The following PLEKHA5 variants were observed in gnomAD, a reference collection of about 807,000 sequenced individuals.
PLEKHA5 encodes the protein pleckstrin homology domain-containing family A member 5.
In PLEKHA5, 55 loss-of-function variants were observed where a neutral mutation model predicts 181.9. That is an observed-to-expected ratio of 0.30 (90% confidence interval 0.24 to 0.38). The LOEUF (loss-of-function observed/expected upper bound fraction) is 0.38, where lower values mean the gene tolerates loss of function less well. Ranked by LOEUF, PLEKHA5 falls within the 10% of genes least tolerant of loss-of-function variation. The pLI, the probability that PLEKHA5 is intolerant of heterozygous loss-of-function variation, is 1.00. For synonymous variants in PLEKHA5, 535 were observed against 529.4 expected (o/e 1.01, Z -0.15); for missense variants, 1,432 against 1,549.5 (o/e 0.92, Z 1.27).
At chr12:19,360,833 G>A (rs1458617856) in intron 28 of PLEKHA5, among the ~76,000 whole-genome samples, 1 of 151,686 alleles carries the variant, frequency 6.6e-6, no homozygotes, top group Non-Finnish European at 1.5e-5. Flanking sequence ...TTGGCTCACT[G>A]CAACCTCTGC....
chr12:19,217,494 A>G (rs1389487588), intron 3 of PLEKHA5, among the ~76,000 whole-genome samples: 4 of 152,214 alleles, frequency 2.6e-5, no homozygotes, highest in Admixed American at 6.5e-5. Context: ...TGTTGCTGTC[A>G]CTATGCCAAT....
chr12:19,319,048 C>A (rs1178483267), intron 16 of PLEKHA5, among the ~76,000 whole-genome samples: 1 of 152,028 alleles, frequency 6.6e-6, no homozygotes, highest in Non-Finnish European at 1.5e-5. Context: ...ATAGATCTAC[C>A]TATTTAAAAC....
At chr12:19,276,654 G>A (rs908648914) in intron 11 of PLEKHA5, among the ~76,000 whole-genome samples, 1 of 152,182 alleles carries the variant, frequency 6.6e-6, no homozygotes, top group African/African-American at 2.4e-5. Context: ...TCGTGCCACT[G>A]CACTCCAATC....
intron 16 of PLEKHA5, among the ~76,000 whole-genome samples, chr12:19,316,300 GT>G (rs886327229): frequency 3.3e-5 from 5 of 151,040 alleles, no homozygotes; most frequent in East Asian, 1.9e-4. Flanking sequence ...GTTTGGTTGG[GT>G]TTTTTTTTAT....
intron 3 of PLEKHA5, among the ~76,000 whole-genome samples, chr12:19,177,863 A>G (rs1319529056): frequency 6.6e-6 from 1 of 152,210 alleles, no homozygotes; most frequent in Non-Finnish European, 1.5e-5. Flanking sequence ...AGTGGTAGGA[A>G]TATTTTCTGC....
chr12:19,149,759 G>A (rs2039930320), intron 3 of PLEKHA5: 1 of 152,142 alleles, frequency 6.6e-6, no homozygotes, highest in African/African-American at 2.4e-5. Context: ...GGCTTCATCT[G>A]CTAGGCCCAG....
At chr12:19,344,318 A>G (rs938844854) in intron 22 of PLEKHA5, among the ~76,000 whole-genome samples, 1 of 152,222 alleles carries the variant, frequency 6.6e-6, no homozygotes, top group Non-Finnish European at 1.5e-5. Flanking sequence ...TCTTGTGTGT[A>G]TAATTATAAA....
chr12:19,306,602 A>G (rs1314126965), intron 15 of PLEKHA5: 7 of 865,828 alleles, frequency 8.1e-6, no homozygotes, highest in Admixed American at 5.4e-5. Context: ...CGGCGGGCCC[A>G]GTAGCGGAGG....
At chr12:19,200,428 A>G (rs1386646369) in intron 3 of PLEKHA5, 2 of 1,492,300 alleles carry the variant, frequency 1.3e-6, no homozygotes, top group Non-Finnish European at 1.8e-6. Flanking sequence ...GGTGACTAAT[A>G]CTAGTTGACA....
intron 21 of PLEKHA5, among the ~76,000 whole-genome samples, chr12:19,342,770 C>CT (rs1393847457): frequency 1.3e-5 from 2 of 151,884 alleles, no homozygotes; most frequent in African/African-American, 2.4e-5. Flanking sequence ...GAGCAAGACT[C>CT]TGTCTCAAAA....
intron 16 of PLEKHA5, among the ~76,000 whole-genome samples, chr12:19,317,513 A>G (rs544208729): frequency 1.3e-5 from 2 of 152,208 alleles, no homozygotes; most frequent in African/African-American, 4.8e-5. Flanking sequence ...CTATAGTCCT[A>G]TGAGCATTTT....
intron 18 of PLEKHA5, 129 bp from the exon 19 acceptor site, chr12:19,322,181 C>A (rs1592485525): frequency 1.6e-6 from 1 of 622,530 alleles, no homozygotes; most frequent in Non-Finnish European, 2.8e-6. Context: ...TTTAAGGATT[C>A]TATCTTTGTA....
chr12:19,156,780 C>T (rs1280325615), intron 3 of PLEKHA5, among the ~76,000 whole-genome samples: 1 of 151,572 alleles, frequency 6.6e-6, no homozygotes. Context: ...CACGGTGGCT[C>T]ACGCCTGTAG....
At chr12:19,206,385 T>A (rs2055528416) in intron 3 of PLEKHA5, among the ~76,000 whole-genome samples, 1 of 152,110 alleles carries the variant, frequency 6.6e-6, no homozygotes, top group African/African-American at 2.4e-5. Flanking sequence ...ATATTCAGAG[T>A]CTTCTCCTGG....
chr12:19,286,795 G>C (rs1157448954), intron 12 of PLEKHA5, among the ~76,000 whole-genome samples: 1 of 151,500 alleles, frequency 6.6e-6, no homozygotes, highest in Admixed American at 6.6e-5. Context: ...GTGAAACCCC[G>C]TCTCTACTAA....
intron 3 of PLEKHA5, chr12:19,201,515 A>G (rs1194423397): frequency 6.6e-6 from 1 of 152,106 alleles, no homozygotes; most frequent in Non-Finnish European, 1.5e-5. Flanking sequence ...GCACACAAAG[A>G]TCTGTACTAA....
intron 3 of PLEKHA5, among the ~76,000 whole-genome samples, chr12:19,143,732 T>C (rs1204458562): frequency 6.6e-6 from 1 of 152,156 alleles, no homozygotes; most frequent in Admixed American, 6.6e-5. Flanking sequence ...TGAGTCTTAT[T>C]GCTATTGATA....
chr12:19,291,600 C>T (rs1407646473), intron 14 of PLEKHA5, 44 bp from the exon 15 acceptor site: 15 of 1,174,876 alleles, frequency 1.3e-5, no homozygotes, highest in Non-Finnish European at 1.4e-5. Context: ...TTGAATTCCA[C>T]ATCCTCTTTC....
At chr12:19,333,285 C>CA (rs904942641) in intron 20 of PLEKHA5, among the ~76,000 whole-genome samples, 19 of 150,624 alleles carry the variant, frequency 1.3e-4, no homozygotes, top group African/African-American at 3.2e-4. Context: ...AACTCCATCT[C>CA]AAAAAAAAGA....
Sources: gnomAD v4.1 joint callset for allele counts (sites outside exome capture counted in the v4.1 genomes callset) on GRCh38, gnomAD v4.1.1 for gene constraint, MANE v1.5 for transcripts, NCBI Gene and HGNC (gene_info 2026-07-23, HGNC 2026-07-21) for gene names.